Variants in SMAP1 observed in about 807,000 individuals in gnomAD.
The protein encoded by SMAP1 is small ArfGAP 1.
A neutral mutation model predicts 58.5 loss-of-function variants in SMAP1; 24 were observed. That is an observed-to-expected ratio of 0.41 (90% CI 0.30 to 0.58). SMAP1 has a LOEUF of 0.58. SMAP1 is among the 20% of genes least tolerant of loss of function. SMAP1 has a pLI of 0.29. For synonymous variants in SMAP1, 216 were observed against 196.6 expected, an observed-to-expected ratio of 1.10 and a Z score of -0.82; for missense variants, 563 against 566.3, an observed-to-expected ratio of 0.99 and a Z score of 0.06.
At position 70,778,627 on chromosome 6, in the gene SMAP1, C is replaced by T. The variant is rs1767638052; in HGVS notation, c.414+5202C>T. Among the ~76,000 whole-genome samples the T allele has an allele frequency of 1.3e-5, 2 of 152,176 alleles. 1 individual carries two copies. Among genetic ancestry groups the T allele is most frequent in the South Asian group, 4.1e-4 (2 of 4,834 alleles). On this transcript the variant is annotated intron_variant, in intron 4 of 10. Transcript: ENST00000370455. ...GGACCCAGATGAGTTAACCCTCAAG[C>T]CCCTGGTTGGGTCATGTGGGCGGTG...
At chr6:70,741,440 A>T (rs992827479) in intron 2 of SMAP1, among the ~76,000 whole-genome samples, 7 of 152,080 alleles carry the variant, frequency 4.6e-5, no homozygotes, top group Non-Finnish European at 2.9e-5. Flanking sequence ...ATCTCCTTTG[A>T]CTCTGTGTCT....
intron 2 of SMAP1, among the ~76,000 whole-genome samples, chr6:70,747,915 C>A (rs1456515983): frequency 6.6e-6 from 1 of 152,044 alleles, no homozygotes; most frequent in Non-Finnish European, 1.5e-5. Context: ...ACCTCTAATT[C>A]CACATCATCA....
chr6:70,768,479 G>A (rs953197885), intron 3 of SMAP1, among the ~76,000 whole-genome samples: 1 of 152,190 alleles, frequency 6.6e-6, no homozygotes, highest in Non-Finnish European at 1.5e-5. Flanking sequence ...TTAGTCTTGG[G>A]AGGGTGTATG....
intron 7 of SMAP1, among the ~76,000 whole-genome samples, chr6:70,841,272 GGTTCTGT>G (rs1770795246): frequency 6.6e-6 from 1 of 152,156 alleles, no homozygotes; most frequent in Non-Finnish European, 1.5e-5. Context: ...TTCCTGCAGG[GGTTCTGT>G]TTTGTGGCCA....
chr6:70,750,949 T>C (rs1354674955), intron 2 of SMAP1, among the ~76,000 whole-genome samples: 1 of 152,158 alleles, frequency 6.6e-6, no homozygotes, highest in East Asian at 1.9e-4. Flanking sequence ...TTTAAAAATA[T>C]GTTCAATTGG....
At chr6:70,848,869 C>A (rs1771083821) in intron 7 of SMAP1, among the ~76,000 whole-genome samples, 2 of 152,068 alleles carry the variant, frequency 1.3e-5, no homozygotes, top group African/African-American at 4.8e-5. Flanking sequence ...TATTGAAAAC[C>A]CACTGGGAAC....
At chr6:70,691,189 CTT>C (rs1245485554) in intron 1 of SMAP1, among the ~76,000 whole-genome samples, 4 of 152,170 alleles carry the variant, frequency 2.6e-5, no homozygotes, top group African/African-American at 9.7e-5. Flanking sequence ...TATTTTCTCT[CTT>C]TCTTCATCAG....
intron 1 of SMAP1, among the ~76,000 whole-genome samples, chr6:70,712,940 T>G (rs1180249665): frequency 6.6e-6 from 1 of 151,806 alleles, no homozygotes. Flanking sequence ...TACAGGCATG[T>G]GCCACCACAC....
chr6:70,817,314 A>G (rs1022235078), intron 6 of SMAP1, among the ~76,000 whole-genome samples: 5 of 152,096 alleles, frequency 3.3e-5, no homozygotes, highest in Non-Finnish European at 7.4e-5. Flanking sequence ...CTAGAAGGAA[A>G]AGCAATCCTT....
rs1193531562 is a variant in SMAP1 at position 70,725,291 on chromosome 6, T to A, written c.119-7087T>A. 2.6e-5 allele frequency among the ~76,000 whole-genome samples: 4 copies of A among 152,026 alleles called. No homozygotes were observed. In the South Asian group the frequency reaches 6.2e-4, roughly 24 times the overall value. ...GCTACCACACCCGGCTAATTTTTTG[T>A]ATTTTTAGTAGAGACGGGGTTTCAC... On this transcript the variant is annotated intron_variant, in intron 1 of 10. Coordinates refer to ENST00000370455, the MANE Select transcript of SMAP1 (RefSeq NM_001044305.3).
At chr6:70,687,055 C>T (rs537554273) in intron 1 of SMAP1, among the ~76,000 whole-genome samples, 1 of 152,222 alleles carries the variant, frequency 6.6e-6, no homozygotes, top group Non-Finnish European at 1.5e-5. Flanking sequence ...AGTCACTAGC[C>T]ATAAGGCTAT....
chr6:70,851,137 C>G (rs1407270261), intron 7 of SMAP1, among the ~76,000 whole-genome samples: 1 of 152,050 alleles, frequency 6.6e-6, no homozygotes, highest in East Asian at 1.9e-4. Context: ...CTGAAAATGA[C>G]TTGAAAAATT....
chr6:70,753,744 A>G (rs1026923202), intron 2 of SMAP1, among the ~76,000 whole-genome samples: 8 of 151,986 alleles, frequency 5.3e-5, no homozygotes, highest in African/African-American at 1.7e-4. Flanking sequence ...TTTGCCTTCT[A>G]TGTCATCTTG....
chr6:70,837,173 TC>T, intron 7 of SMAP1, 145 bp downstream of exon 7: 1 of 531,746 alleles, frequency 1.9e-6, no homozygotes. Flanking sequence ...TTTGCTAACT[TC>T]CCACAAAAAA....
At chr6:70,822,635 G>A (rs1363279038) in intron 6 of SMAP1, among the ~76,000 whole-genome samples, 1 of 152,008 alleles carries the variant, frequency 6.6e-6, no homozygotes, top group Non-Finnish European at 1.5e-5. Context: ...TAATTTTTTG[G>A]CCTTTTATCT....
intron 2 of SMAP1, among the ~76,000 whole-genome samples, chr6:70,737,490 C>G (rs1381525606): frequency 2.0e-5 from 3 of 152,166 alleles, no homozygotes; most frequent in Non-Finnish European, 4.4e-5. Context: ...CAGATCCTTC[C>G]TATTCTTTAA....
intron 6 of SMAP1, among the ~76,000 whole-genome samples, chr6:70,810,941 CTACT>C (rs1237370430): frequency 1.3e-5 from 2 of 152,024 alleles, no homozygotes; most frequent in Non-Finnish European, 2.9e-5. Flanking sequence ...CAGTAAGACT[CTACT>C]TAAAGTTTAT....
At chr6:70,709,893 C>T (rs920031371) in intron 1 of SMAP1, among the ~76,000 whole-genome samples, 2 of 151,562 alleles carry the variant, frequency 1.3e-5, no homozygotes, top group South Asian at 2.1e-4. Flanking sequence ...TTATAGTTTT[C>T]GGTGTGTAGA....
intron 6 of SMAP1, among the ~76,000 whole-genome samples, chr6:70,821,592 G>A (rs897776935): frequency 1.3e-5 from 2 of 152,142 alleles, no homozygotes; most frequent in African/African-American, 4.8e-5. Flanking sequence ...CGTGAAGAAA[G>A]CTCTTTCAGC....
Sources: allele counts gnomAD v4.1 joint callset (sites outside exome capture counted in the v4.1 genomes callset), GRCh38; gene constraint gnomAD v4.1.1; transcripts MANE v1.5; gene names NCBI Gene and HGNC (gene_info 2026-07-23, HGNC 2026-07-21).